The following DPP6 variants were observed in gnomAD, a reference collection of about 807,000 sequenced individuals.
DPP6 encodes A-type potassium channel modulatory protein DPP6.
A neutral mutation model predicts 122.6 loss-of-function variants in DPP6; 69 were observed. That is an observed-to-expected ratio of 0.56 (90% CI 0.46 to 0.69). The LOEUF is 0.69. Ranked by LOEUF, DPP6 falls within the 30% of genes least tolerant of loss-of-function variation. The pLI, the probability that DPP6 is intolerant of heterozygous loss-of-function variation, is 0.00. For missense variants in DPP6, 928 were observed against 1,116.9 expected (o/e 0.83, Z 2.41); for synonymous variants, 418 against 433.1 (o/e 0.97, Z 0.43).
At chr7:153,871,726 C>T in the DPP6 span, among the ~76,000 whole-genome samples, 1 of 152,198 alleles carries the variant, frequency 6.6e-6, no homozygotes, top group Admixed American at 6.5e-5. Flanking sequence ...GCAGAAATCA[C>T]CCACCTTCTG....
rs1161179653 is a variant in DPP6 at position 154,877,228 on chromosome 7, C to G, written c.2078+1128C>G. ...AGCGTGTGAATGAATGGTTCCGGTC[C>G]TCCTCCAGGGAGCTATGAGCTGGGT... On this transcript the variant is annotated intron_variant, in intron 20 of 25. Coordinates refer to ENST00000377770, the MANE Select transcript of DPP6 (RefSeq NM_130797.4). The surrounding 1 kb of genome is among the most constrained non-coding windows in gnomAD (Gnocchi z 5.2). 1.3e-5 allele frequency: 2 copies of G among 152,196 alleles called. No individual in the cohort carries two copies. The highest frequency in any genetic ancestry group is 6.5e-5 in the Admixed American group (1 of 15,268). 9.4% of individuals were successfully genotyped at this position (152,196 alleles called of 1,614,324 possible).
At chr7:154,435,318 A>T (rs146991150) in intron 1 of DPP6, among the ~76,000 whole-genome samples, 340 of 152,200 alleles carry the variant, frequency 2.2e-3, no homozygotes, top group African/African-American at 7.6e-3. Context: ...CACCAAATTC[A>T]TTGCACGTTC....
At chr7:154,216,747 T>C (rs1585654365) in intron 1 of DPP6, among the ~76,000 whole-genome samples, 1 of 152,108 alleles carries the variant, frequency 6.6e-6, no homozygotes, top group East Asian at 1.9e-4. Flanking sequence ...CTGTCCTATA[T>C]GTGATTGTGC....
intron 2 of DPP6, among the ~76,000 whole-genome samples, chr7:154,459,315 C>T (rs961713182): frequency 6.6e-6 from 1 of 152,128 alleles, no homozygotes; most frequent in African/African-American, 2.4e-5. Context: ...AATTGTTCCA[C>T]CCATTATTTC....
At chr7:154,535,739 C>T (rs1339402723) in intron 3 of DPP6, among the ~76,000 whole-genome samples, 1 of 151,084 alleles carries the variant, frequency 6.6e-6, no homozygotes, top group African/African-American at 2.4e-5. Context: ...TTGCAAAAAA[C>T]CTGCAAATCA....
In DPP6 at chr7:154,823,659, G is replaced by A. The variant is rs1332443903; in HGVS notation, c.1666+16547G>A. 3.3e-5 allele frequency among the ~76,000 whole-genome samples: 5 copies of A among 152,152 alleles called. No homozygotes were observed. In the South Asian group the frequency reaches 8.3e-4, roughly 25 times the overall value. ...GTGAAGGTGGACATGCCAAACTCTCGTCCCAGGAGTTCTCCAGGCAGAAAC... is the reference window on the plus strand; with the variant it reads ...GTGAAGGTGGACATGCCAAACTCTCATCCCAGGAGTTCTCCAGGCAGAAAC... On this transcript the variant is annotated intron_variant, in intron 16 of 25. Transcript: ENST00000377770.
chr7:153,793,560 C>A, the DPP6 span, among the ~76,000 whole-genome samples: 1 of 151,548 alleles, frequency 6.6e-6, no homozygotes, highest in Non-Finnish European at 1.5e-5. Flanking sequence ...TGCAGCCCGA[C>A]AATGTGATAG....
intron 8 of DPP6, among the ~76,000 whole-genome samples, chr7:154,757,403 G>C (rs1004869379): frequency 6.6e-6 from 1 of 152,212 alleles, no homozygotes; most frequent in Non-Finnish European, 1.5e-5. Flanking sequence ...GCACTGAAAA[G>C]TTCCCTCTCC....
At chr7:153,793,509 C>A in the DPP6 span, among the ~76,000 whole-genome samples, 1 of 149,818 alleles carries the variant, frequency 6.7e-6, no homozygotes, top group Non-Finnish European at 1.5e-5. Flanking sequence ...TAAAGACATT[C>A]AGTTTTATAA....
intron 1 of DPP6, among the ~76,000 whole-genome samples, chr7:153,963,788 T>TC (rs890484726): frequency 4.6e-5 from 7 of 152,112 alleles, no homozygotes; most frequent in African/African-American, 1.7e-4. Context: ...CCACCCCGTG[T>TC]CCCATCCATG....
chr7:154,196,346 T>C (rs943046935), intron 1 of DPP6, among the ~76,000 whole-genome samples: 19 of 152,058 alleles, frequency 1.2e-4, no homozygotes, highest in African/African-American at 4.3e-4. Context: ...AAAAATTAGC[T>C]GGGCACGTTG....
At chr7:153,906,278 C>A (rs1799847462) in intron 1 of DPP6, among the ~76,000 whole-genome samples, 1 of 152,112 alleles carries the variant, frequency 6.6e-6, no homozygotes, top group African/African-American at 2.4e-5. Context: ...GAAGTCTGGG[C>A]TTTTTGTGTG....
chr7:153,955,971 A>T (rs1802441891), intron 1 of DPP6, among the ~76,000 whole-genome samples: 2 of 152,248 alleles, frequency 1.3e-5, no homozygotes, highest in South Asian at 2.1e-4. Context: ...ATCCCATCCC[A>T]CCAGGATTCC....
chr7:154,889,228 C>T (rs749670845), intron 23 of DPP6, 44 bp from the exon 24 acceptor site: 15 of 1,593,586 alleles, frequency 9.4e-6, no homozygotes, highest in Non-Finnish European at 1.0e-5. Flanking sequence ...TGGCTCCCTG[C>T]AGTGCAGCCC....
At chr7:154,230,132 C>T (rs532820446) in intron 1 of DPP6, among the ~76,000 whole-genome samples, 27 of 152,084 alleles carry the variant, frequency 1.8e-4, no homozygotes, top group East Asian at 1.6e-3. Context: ...CACCCTCCTC[C>T]GCACCCTCCT....
intron 6 of DPP6, among the ~76,000 whole-genome samples, chr7:154,647,477 G>A (rs966136162): frequency 6.6e-6 from 1 of 152,188 alleles, no homozygotes; most frequent in African/African-American, 2.4e-5. Context: ...ATTCAGTAAA[G>A]GGGTTATAGT....
chr7:154,669,538 T>TTGTG (rs3220067), intron 7 of DPP6, 97 bp downstream of exon 7: 26 of 1,199,316 alleles, frequency 2.2e-5, no homozygotes, highest in South Asian at 1.5e-4. Flanking sequence ...GTACATGGTG[T>TTGTG]TGTGTGTGTG....
chr7:153,943,941 A>G (rs1417853354), intron 1 of DPP6, among the ~76,000 whole-genome samples: 1 of 152,166 alleles, frequency 6.6e-6, no homozygotes, highest in African/African-American at 2.4e-5. Context: ...AGGCAGTTCC[A>G]GTGGAGTCTG....
At position 154,236,829 on chromosome 7, in the gene DPP6, T is replaced by C. The variant is rs114361141; in HGVS notation, c.243+183766T>C. Among the ~76,000 whole-genome samples the C allele has an allele frequency of 7.7e-3, 1,174 of 152,240 alleles. 21 individuals carry two copies. The highest frequency in any genetic ancestry group is 0.026 in the African/African-American group (1,093 of 41,540). The stretch of plus-strand genomic sequence containing the variant: ...CTGCTGCACTTACACAAAAGCTCCA[T>C]GGCAGAGAAATTGGAAAGACCAGTA... On this transcript the variant is annotated intron_variant, in intron 1 of 25. Coordinates refer to ENST00000377770, the MANE Select transcript of DPP6 (RefSeq NM_130797.4).
Sources: allele counts gnomAD v4.1 joint callset (sites outside exome capture counted in the v4.1 genomes callset), GRCh38; gene constraint gnomAD v4.1.1; non-coding constraint Gnocchi (gnomAD v3.1); transcripts MANE v1.5; gene names NCBI Gene and HGNC (gene_info 2026-07-23, HGNC 2026-07-21).